The following SLC12A1 variants were observed in gnomAD, a reference collection of about 807,000 sequenced individuals.
The protein encoded by SLC12A1 is Na-K-2Cl cotransporter.
Under a neutral mutation model 130.4 loss-of-function variants are expected in SLC12A1, and 89 were observed. The observed-to-expected ratio is 0.68, with a 90% CI of 0.58 to 0.81. The LOEUF (loss-of-function observed/expected upper bound fraction) is 0.81. SLC12A1 is among the 40% of genes least tolerant of loss of function. The pLI, the probability that SLC12A1 is intolerant of heterozygous loss-of-function variation, is 0.00. For synonymous variants in SLC12A1, 499 were observed against 460.0 expected (o/e 1.08, Z -1.09); for missense variants, 1,310 against 1,336.4 (o/e 0.98, Z 0.31).
chr15:48,262,921 C>A (rs1464155734), intron 17 of SLC12A1, among the ~76,000 whole-genome samples: 5 of 152,296 alleles, frequency 3.3e-5, no homozygotes, highest in African/African-American at 1.2e-4. Flanking sequence ...CCCTATGTAT[C>A]CTGACACATA....
chr15:48,296,898 C>G (rs2042182541), intron 24 of SLC12A1, among the ~76,000 whole-genome samples: 1 of 152,114 alleles, frequency 6.6e-6, no homozygotes, highest in South Asian at 2.1e-4. Context: ...AGAGAAGGAG[C>G]AGTAAGAGTG....
At chr15:48,240,660 T>C (rs2041505614) in intron 9 of SLC12A1, among the ~76,000 whole-genome samples, 1 of 152,218 alleles carries the variant, frequency 6.6e-6, no homozygotes, top group Admixed American at 6.5e-5. Flanking sequence ...GGGGGACTCA[T>C]ACCTGCTGAG....
At chr15:48,232,510 C>T (rs987459438) in intron 7 of SLC12A1, among the ~76,000 whole-genome samples, 13 of 152,198 alleles carry the variant, frequency 8.5e-5, no homozygotes, top group Non-Finnish European at 1.6e-4. Flanking sequence ...TGCCCAAACA[C>T]GTGTGCCATT....
chr15:48,273,595 G>A (rs894077180), intron 19 of SLC12A1, among the ~76,000 whole-genome samples: 10 of 152,164 alleles, frequency 6.6e-5, no homozygotes, highest in Non-Finnish European at 1.3e-4. Flanking sequence ...TCAGAAACAA[G>A]ATTTGTTTAT....
chr15:48,291,609 G>A (rs546968273), intron 23 of SLC12A1, among the ~76,000 whole-genome samples, 169 bp from the exon 24 acceptor site: 5 of 152,248 alleles, frequency 3.3e-5, no homozygotes, highest in Admixed American at 6.5e-5. Context: ...CACTTAATGC[G>A]TTCATCAAGT....
intron 19 of SLC12A1, among the ~76,000 whole-genome samples, chr15:48,269,979 C>T (rs190106469): frequency 2.1e-4 from 32 of 152,200 alleles, no homozygotes; most frequent in Admixed American, 1.4e-3. Context: ...GTGAGAGAAA[C>T]GCCCGTGTCA....
chr15:48,228,668 TA>T (rs1479225417), intron 5 of SLC12A1: 1 of 227,730 alleles, frequency 4.4e-6, no homozygotes, highest in Non-Finnish European at 9.2e-6. Flanking sequence ...ACAGATATCT[TA>T]TTTTATGCAG....
At chr15:48,219,025 T>C (rs888657653) in intron 2 of SLC12A1, among the ~76,000 whole-genome samples, 1 of 152,182 alleles carries the variant, frequency 6.6e-6, no homozygotes, top group Non-Finnish European at 1.5e-5. Flanking sequence ...GAAAAAACCA[T>C]ATAAAAGTTT....
chr15:48,249,255 G>T (rs1749855463), intron 13 of SLC12A1, among the ~76,000 whole-genome samples: 1 of 142,868 alleles, frequency 7.0e-6, no homozygotes, highest in African/African-American at 2.9e-5. Context: ...TAGAACACAG[G>T]ATTAGATGCC....
chr15:48,207,857 A>G lies in SLC12A1; in HGVS notation c.138A>G (p.Glu46=). ...ADDNTDPPHY[E]ETSFGDEAQK... ...ACAATACTGACCCACCACATTATGA[A>G]GAAACCTCTTTTGGGGATGAAGCTC... Residue 46 remains glutamate, a synonymous_variant, in exon 2 of 27, where the codon GAA becomes GAG. Transcript: ENST00000380993. 6.2e-7 allele frequency: 1 copy of G among 1,614,018 alleles called. No individual in the cohort carries two copies. Among genetic ancestry groups the G allele is most frequent in the Middle Eastern group, 1.6e-4 (1 of 6,062 alleles).
Position 48,244,799 on chromosome 15 carries a change from C to T in SLC12A1, c.1347C>T (p.Ile449=), listed in dbSNP as rs1266172542. The change falls in exon 11 of 27, where the codon ATC becomes ATT. Residue 449 remains isoleucine (I), a synonymous_variant. Coordinates refer to ENST00000380993, the MANE Select transcript of SLC12A1 (RefSeq NM_000338.3). Reference sequence around the variant, plus strand: ...CCACCGGGAACATGAATGACACCATCATTTCTGGGATGAACTGCAATGGTT... The same window carrying T: ...CCACCGGGAACATGAATGACACCATTATTTCTGGGATGAACTGCAATGGTT... ...RDATGNMNDT[I]ISGMNCNGSA... 2 of 1,613,836 alleles carry T rather than the reference C, an allele frequency of 1.2e-6. No homozygotes were observed. Among genetic ancestry groups the T allele is most frequent in the Non-Finnish European group, 1.7e-6 (2 of 1,179,884 alleles).
intron 16 of SLC12A1, among the ~76,000 whole-genome samples, chr15:48,256,389 C>T (rs909773339): frequency 1.3e-5 from 2 of 152,168 alleles, no homozygotes; most frequent in Non-Finnish European, 2.9e-5. Flanking sequence ...TGGAGAGGAA[C>T]AGATTGCCTT....
At chr15:48,243,388 T>C (rs948151336) in intron 10 of SLC12A1, among the ~76,000 whole-genome samples, 1 of 152,136 alleles carries the variant, frequency 6.6e-6, no homozygotes, top group Non-Finnish European at 1.5e-5. Flanking sequence ...CCAGGTGCAG[T>C]GGCTCACGCC....
At chr15:48,227,210 G>T in intron 5 of SLC12A1, 1 of 1,296,808 alleles carries the variant, frequency 7.7e-7, no homozygotes, top group East Asian at 2.5e-5. Flanking sequence ...TAGAGGCTTG[G>T]TTACTAGTAA....
At chr15:48,237,353 T>C (rs1227322848) in intron 9 of SLC12A1, 1 of 168,632 alleles carries the variant, frequency 5.9e-6, no homozygotes, top group Non-Finnish European at 1.3e-5. Context: ...TAAATAATTT[T>C]CTATGTGTCC....
chr15:48,224,179 G>C (rs1304185536), intron 4 of SLC12A1: 1 of 152,152 alleles, frequency 6.6e-6, no homozygotes, highest in African/African-American at 2.4e-5. Context: ...GCCCAGACCA[G>C]AGCATTCTGG....
chr15:48,247,606 C>A, intron 13 of SLC12A1, 146 bp downstream of exon 13: 1 of 657,542 alleles, frequency 1.5e-6, no homozygotes, highest in Non-Finnish European at 2.5e-6. Flanking sequence ...ATGAGAAATC[C>A]TTGTGTGTAG....
intron 19 of SLC12A1, among the ~76,000 whole-genome samples, chr15:48,273,360 T>C (rs2041918497): frequency 6.6e-6 from 1 of 152,198 alleles, no homozygotes; most frequent in South Asian, 2.1e-4. Flanking sequence ...AATTTCACTT[T>C]TAAGTACTCT....
chr15:48,240,026 TATCC>T (rs1365567029), intron 9 of SLC12A1, among the ~76,000 whole-genome samples: 1 of 43,550 alleles, frequency 2.3e-5, no homozygotes. Flanking sequence ...TATATATATA[TATCC>T]ATATATATAT....
Sources: gnomAD v4.1 joint callset for allele counts (sites outside exome capture counted in the v4.1 genomes callset) on GRCh38, gnomAD v4.1.1 for gene constraint, MANE v1.5 for transcripts, NCBI Gene and HGNC (gene_info 2026-07-23, HGNC 2026-07-21) for gene names.